Variants in PDE6C observed in about 807,000 individuals in gnomAD.
The protein encoded by PDE6C is cone cGMP-specific 3',5'-cyclic phosphodiesterase subunit alpha'.
Under a neutral mutation model 113.1 loss-of-function variants are expected in PDE6C, and 75 were observed. The ratio of observed to expected loss-of-function variants is 0.66; its 90% confidence interval spans 0.55 to 0.80. PDE6C has a LOEUF of 0.80. Among genes scored for constraint, PDE6C ranks in the 30% least tolerant of loss-of-function variants. PDE6C has a pLI of 0.00. For missense variants in PDE6C, 912 were observed against 1,038.6 expected (o/e 0.88, Z 1.67); for synonymous variants, 375 against 363.7 (o/e 1.03, Z -0.35).
At position 93,645,972 on chromosome 10, in the gene PDE6C, A is replaced by C; in HGVS notation, c.1860A>C (p.Pro620=). ...NNLYQMKSTS[P]LARLHGSSIL... ...GTTTTCCTTCTAGATCCACGTCTCC[A>C]TTAGCAAGACTTCATGGTTCTTCTA... Residue 620 remains proline, a synonymous_variant, in exon 15 of 22, where the codon CCA becomes CCC. Coordinates refer to ENST00000371447, the MANE Select transcript of PDE6C (RefSeq NM_006204.4). 1.2e-6 allele frequency: 2 copies of C among 1,601,840 alleles called. No homozygotes were observed. The highest frequency in any genetic ancestry group is 1.1e-5 in the South Asian group (1 of 90,844).
chr10:93,645,284 T>C (rs569784645), intron 14 of PDE6C, among the ~76,000 whole-genome samples: 1 of 152,244 alleles, frequency 6.6e-6, no homozygotes, highest in Non-Finnish European at 1.5e-5. Flanking sequence ...AACCTGGCAA[T>C]GACCTCTCCC....
rs12220915 is a variant in PDE6C at position 93,648,994 on chromosome 10, C to A, written c.1935+2947C>A. ...CATGTTGGCAATATTCTCTTGCGGG[C>A]GTCATAGGCACCATGCTGAAGACTA... is the stretch of plus-strand genomic sequence containing the variant. On this transcript the variant is annotated intron_variant, in intron 15 of 21. Transcript: ENST00000371447. 2.6e-5 allele frequency among the ~76,000 whole-genome samples: 4 copies of A among 152,256 alleles called. No individual in the cohort carries two copies. In the East Asian group the frequency reaches 5.8e-4, roughly 22 times the overall value.
At chr10:93,625,128 A>G (rs1387133367) in intron 4 of PDE6C, among the ~76,000 whole-genome samples, 1 of 152,162 alleles carries the variant, frequency 6.6e-6, no homozygotes, top group Non-Finnish European at 1.5e-5. Flanking sequence ...TTACCACCTG[A>G]TACTCAAATC....
At chr10:93,650,139 A>T (rs2058603090) in intron 15 of PDE6C, among the ~76,000 whole-genome samples, 1 of 152,226 alleles carries the variant, frequency 6.6e-6, no homozygotes, top group Admixed American at 6.5e-5. Context: ...GTGCAATCAC[A>T]CAATTAGCAC....
Position 93,620,699 on chromosome 10 carries a change from C to A in PDE6C, c.548C>A (p.Pro183Gln), listed in dbSNP as rs753424342. ...GYVTKNLLAT[P>Q]IVVGKEVLAV... The stretch of plus-strand genomic sequence containing the variant: ...GTCACTAAGAACCTGCTGGCAACCC[C>A]GATCGTGGTGGGCAAGGAGGTTCTT... Residue 183 changes from proline to glutamine, a missense_variant, in exon 2 of 22, where the codon CCG (proline) becomes CAG (glutamine). Coordinates refer to ENST00000371447, the MANE Select transcript of PDE6C (RefSeq NM_006204.4). 1.9e-6 allele frequency: 3 copies of A among 1,614,104 alleles called. No homozygotes were observed. Among genetic ancestry groups the A allele is most frequent in the Non-Finnish European group, 2.5e-6 (3 of 1,179,976 alleles).
At chr10:93,621,342 A>G (rs1442639741) in intron 3 of PDE6C, among the ~76,000 whole-genome samples, 1 of 152,252 alleles carries the variant, frequency 6.6e-6, no homozygotes, top group Non-Finnish European at 1.5e-5. Context: ...TTCCTGGGTC[A>G]TAGTAAACCT....
chr10:93,641,139 A>G (rs1338900664), intron 14 of PDE6C, 110 bp downstream of exon 14: 6 of 702,766 alleles, frequency 8.5e-6, no homozygotes, highest in African/African-American at 3.6e-5. Context: ...CCTCTTTGCC[A>G]TGTTGGAAAT....
intron 1 of PDE6C, among the ~76,000 whole-genome samples, chr10:93,618,660 C>A (rs137925693): frequency 6.6e-6 from 1 of 152,296 alleles, no homozygotes; most frequent in African/African-American, 2.4e-5. Context: ...TTGGGTTGAG[C>A]CTAAGAATTA....
chr10:93,630,297 C>G (rs1335763054), intron 8 of PDE6C, among the ~76,000 whole-genome samples: 2 of 151,994 alleles, frequency 1.3e-5, no homozygotes, highest in Non-Finnish European at 2.9e-5. Context: ...CCTGCTGGAA[C>G]CTGGCTGCAG....
chr10:93,621,414 G>A (rs1347697000), intron 3 of PDE6C, among the ~76,000 whole-genome samples: 2 of 152,296 alleles, frequency 1.3e-5, no homozygotes, highest in Non-Finnish European at 2.9e-5. Context: ...GGCACTATTA[G>A]TACCTAAGAT....
intron 8 of PDE6C, 42 bp from the exon 9 acceptor site, chr10:93,634,716 A>G (rs779519462): frequency 1.1e-4 from 169 of 1,609,342 alleles, no homozygotes; most frequent in Non-Finnish European, 1.4e-4. Context: ...ATTTCAAACT[A>G]AAAAGGCAAA....
chr10:93,616,012 A>G (rs967422110), intron 1 of PDE6C, among the ~76,000 whole-genome samples: 56 of 152,344 alleles, frequency 3.7e-4, no homozygotes, highest in African/African-American at 1.2e-3. Flanking sequence ...TAGCCGCTGC[A>G]GTAAGATTTG....
At position 93,658,972 on chromosome 10, in the gene PDE6C, A is replaced by C; in HGVS notation, c.2108A>C (p.Tyr703Ser). 1 of 1,612,176 alleles carries C rather than the reference A, an allele frequency of 6.2e-7. No homozygotes were observed. The highest frequency in any genetic ancestry group is 8.5e-7 in the Non-Finnish European group (1 of 1,178,322). ...QMQTEEEAIKYVTVDPTKKEI... is the reference protein window; with the variant it reads ...QMQTEEEAIKSVTVDPTKKEI... ...CAAACGGAAGAAGAAGCCATCAAATATGTAACTGTTGATCCAACCAAGAAA... is the reference window on the plus strand; with the variant it reads ...CAAACGGAAGAAGAAGCCATCAAATCTGTAACTGTTGATCCAACCAAGAAA... Residue 703 changes from tyrosine (Y) to serine (S), a missense_variant, in exon 17 of 22, where the codon TAT becomes TCT. Physicochemically the swap from Tyr to Ser is moderately radical, Grantham distance 144. Coordinates refer to ENST00000371447, the MANE Select transcript of PDE6C (RefSeq NM_006204.4).
chr10:93,664,110 T>G (rs1307662911), intron 21 of PDE6C, among the ~76,000 whole-genome samples: 1 of 152,224 alleles, frequency 6.6e-6, no homozygotes, highest in Non-Finnish European at 1.5e-5. Flanking sequence ...ATCAGATGTC[T>G]TCTCTGTATA....
Position 93,612,940 on chromosome 10 carries a change from A to C in PDE6C, c.215A>C (p.Glu72Ala). Reference protein sequence around the residue: ...CLELLWTVQEEGGTPEQGVHR... With the variant: ...CLELLWTVQEAGGTPEQGVHR... ...GAGCTGCTGTGGACCGTGCAGGAGG[A>C]GGGGGGCACCCCAGAGCAGGGGGTT... Residue 72 changes from glutamate (E) to alanine (A), a missense_variant, in exon 1 of 22, where the codon GAG (glutamate) becomes GCG (alanine). Physicochemically the swap from Glu to Ala is moderately radical, Grantham distance 107. Coordinates refer to ENST00000371447, the MANE Select transcript of PDE6C (RefSeq NM_006204.4). The C allele has an allele frequency of 6.2e-7, 1 of 1,613,912 alleles. No individual in the cohort carries two copies. Among genetic ancestry groups the C allele is most frequent in the South Asian group, 1.1e-5 (1 of 91,076 alleles).
intron 18 of PDE6C, among the ~76,000 whole-genome samples, chr10:93,661,808 T>C (rs1331621934): frequency 6.6e-6 from 1 of 152,140 alleles, no homozygotes; most frequent in African/African-American, 2.4e-5. Context: ...TGGTGAGAAG[T>C]GGTGGCAATC....
At chr10:93,614,070 A>G (rs1374408905) in intron 1 of PDE6C, among the ~76,000 whole-genome samples, 1 of 152,224 alleles carries the variant, frequency 6.6e-6, no homozygotes, top group Non-Finnish European at 1.5e-5. Flanking sequence ...AATCAAGGGT[A>G]CCAGCTTGGA....
At chr10:93,633,944 G>C (rs2058515484) in intron 8 of PDE6C, among the ~76,000 whole-genome samples, 1 of 152,148 alleles carries the variant, frequency 6.6e-6, no homozygotes, top group Admixed American at 6.5e-5. Flanking sequence ...GGATGTGCTA[G>C]AGTACATATA....
At position 93,644,368 on chromosome 10, in the gene PDE6C, A is replaced by G. The variant is rs1262066610; in HGVS notation, c.1848-1592A>G. Among the ~76,000 whole-genome samples the G allele has an allele frequency of 1.6e-4, 24 of 152,164 alleles. 1 individual carries two copies. Among genetic ancestry groups the G allele is most frequent in the Admixed American group, 1.4e-3 (22 of 15,274 alleles). ...TTTTAAACCTAAAGGAATTAAAGAT[A>G]CCACTCCTTTCTGACTAGAATTGAG... is the stretch of plus-strand genomic sequence containing the variant. On this transcript the variant is annotated intron_variant, in intron 14 of 21. Transcript: ENST00000371447.
Sources: allele counts gnomAD v4.1 joint callset (sites outside exome capture counted in the v4.1 genomes callset), GRCh38; gene constraint gnomAD v4.1.1; transcripts MANE v1.5; gene names NCBI Gene and HGNC (gene_info 2026-07-23, HGNC 2026-07-21).